The following CRHR2 variants were observed in gnomAD, a reference collection of about 807,000 sequenced individuals.
The protein encoded by CRHR2 is corticotropin-releasing hormone receptor 2.
CRHR2 carries 53 observed loss-of-function variants against 57.9 expected under a neutral mutation model. The ratio of observed to expected loss-of-function variants is 0.92; its 90% confidence interval spans 0.73 to 1.15. The LOEUF (loss-of-function observed/expected upper bound fraction) is 1.15. Among genes scored for constraint, CRHR2 ranks in the 50% most tolerant of loss-of-function variants. The pLI, the probability that CRHR2 is intolerant of heterozygous loss-of-function variation, is 0.00. For missense variants in CRHR2, 532 were observed against 542.6 expected (o/e 0.98, Z 0.19); for synonymous variants, 213 against 220.9 (o/e 0.96, Z 0.32).
intron 2 of CRHR2, among the ~76,000 whole-genome samples, chr7:30,671,846 G>GATA (rs1784370386): frequency 1.6e-5 from 2 of 127,486 alleles, no homozygotes; most frequent in Non-Finnish European, 3.5e-5. Context: ...TGATGATAAT[G>GATA]ATGATGATGA....
At chr7:30,700,058 A>G (rs1046025746) in exon 1 of CRHR2, 6 of 1,369,192 alleles carry the variant, frequency 4.4e-6, no homozygotes, top group Admixed American at 7.2e-5. Flanking sequence ...GGGGTTAGGG[A>G]CTGGAGCCTG....
chr7:30,659,474 A>T (rs1165911875), intron 8 of CRHR2, among the ~76,000 whole-genome samples: 1 of 151,966 alleles, frequency 6.6e-6, no homozygotes, highest in Non-Finnish European at 1.5e-5. Context: ...AAAGGATCTC[A>T]TGGGGTTTCC....
rs755639651 is a variant in CRHR2, at chr7:30,662,167, A to G, written c.747T>C (p.Tyr249=). 1 of 1,613,838 alleles carries G rather than the reference A, an allele frequency of 6.2e-7. No individual in the cohort carries two copies. The highest frequency in any genetic ancestry group is 1.3e-5 in the African/African-American group (1 of 74,962). ...IVAWAIGKLY[Y]ENEQCWFGKE... ...GCCCATCCACTTACTGTTCATTCTC[A>G]TAGTAGAGCTTGCCGATGGCCCAGG... The change falls in exon 7 of 12, where the codon TAT becomes TAC. Residue 249 remains tyrosine (Y), a synonymous_variant. Coordinates refer to ENST00000471646, the MANE Select transcript of CRHR2 (RefSeq NM_001883.5).
At chr7:30,686,544 C>A (rs1320976645), upstream of CRHR2, 9 of 1,515,422 alleles carry the variant, frequency 5.9e-6, no homozygotes, top group Non-Finnish European at 7.0e-6. Context: ...TGCAGTGGCT[C>A]ACACCCATAA....
At chr7:30,687,248 G>T (rs1342132117), upstream of CRHR2, among the ~76,000 whole-genome samples, 2 of 151,948 alleles carry the variant, frequency 1.3e-5, no homozygotes, top group East Asian at 1.9e-4. Context: ...AAGCTCGAGG[G>T]GCTCCCTAGC....
At chr7:30,654,850 G>A in intron 11 of CRHR2, 189 bp downstream of exon 11, 1 of 1,546,138 alleles carries the variant, frequency 6.5e-7, no homozygotes, top group Non-Finnish European at 8.7e-7. Context: ...TTTCGGGGCT[G>A]CATAGTTGAC....
rs775532993 is a variant in CRHR2 at position 30,653,644 on chromosome 7, C to T, written c.1096-44G>A. On this transcript the variant is annotated intron_variant, in intron 11 of 11. Transcript: ENST00000471646. The surrounding 1 kb of genome is among the most constrained non-coding windows in gnomAD (Gnocchi z 5.0). ...CTCAGCTGGCTCCCAGGGACCAACC[C>T]TGGGCTTCTGGGACCATCCCCTCCT... The T allele has an allele frequency of 3.9e-6, 6 of 1,558,194 alleles. No individual in the cohort carries two copies. The highest frequency in any genetic ancestry group is 3.5e-6 in the Non-Finnish European group (4 of 1,158,758).
chr7:30,675,632 A>G (rs1784494160), intron 2 of CRHR2, among the ~76,000 whole-genome samples: 1 of 151,736 alleles, frequency 6.6e-6, no homozygotes, highest in Non-Finnish European at 1.5e-5. Context: ...TCCATCTGAC[A>G]CATCATTAGC....
At chr7:30,699,369 C>T (rs1785121612) in intron 1 of CRHR2, among the ~76,000 whole-genome samples, 1 of 152,144 alleles carries the variant, frequency 6.6e-6, no homozygotes, top group East Asian at 1.9e-4. Flanking sequence ...CCACTCTGTC[C>T]CCATCGCTCA....
chr7:30,694,492 C>G (rs977816091), intron 1 of CRHR2, among the ~76,000 whole-genome samples: 8 of 152,346 alleles, frequency 5.3e-5, no homozygotes, highest in African/African-American at 1.9e-4. Context: ...GTCTAGTGTT[C>G]CCTCCAGGGC....
In CRHR2 at chr7:30,665,645, CAG is replaced by C; in HGVS notation, c.316-8_316-7del. The C allele has an allele frequency of 6.4e-7, 1 of 1,554,250 alleles. No individual in the cohort carries two copies. Among genetic ancestry groups the C allele is most frequent in the South Asian group, 1.2e-5 (1 of 84,228 alleles). ...TGCAGGTCATACTTCCTCTGCTGGA[CAG>C]ACAGACATGGGCAGGGCAGATGGAG... On this transcript the variant is annotated splice_polypyrimidine_tract_variant and splice_region_variant and intron_variant, in intron 3 of 11. Coordinates refer to ENST00000471646, the MANE Select transcript of CRHR2 (RefSeq NM_001883.5). The surrounding 1 kb of genome is among the most constrained non-coding windows in gnomAD (Gnocchi z 4.5).
chr7:30,657,766 G>GTCCA (rs372801059), intron 8 of CRHR2, among the ~76,000 whole-genome samples: 25 of 151,718 alleles, frequency 1.6e-4, no homozygotes, highest in East Asian at 1.4e-3. Context: ...TTATCCATCC[G>GTCCA]TCCATCCATC....
At position 30,656,976 on chromosome 7, in the gene CRHR2, T is replaced by A. The variant is rs576071268; in HGVS notation, c.832-964A>T. Among the ~76,000 whole-genome samples the A allele has an allele frequency of 4.1e-4, 63 of 152,096 alleles. 1 individual carries two copies. Among genetic ancestry groups the A allele is most frequent in the Non-Finnish European group, 8.7e-4 (59 of 68,014 alleles). On this transcript the variant is annotated intron_variant, in intron 8 of 11. Transcript: ENST00000471646. This position sits in a 1 kb window ranked among gnomAD's most constrained non-coding sequence, Gnocchi z 4.4. ...AGGCAGGCAGGCAGGCAAGGGAGTG[T>A]GTGTCGGCCTGACACAGTGGGGCTG...
intron 8 of CRHR2, among the ~76,000 whole-genome samples, chr7:30,660,240 G>A (rs1017486966): frequency 1.3e-5 from 2 of 152,206 alleles, no homozygotes; most frequent in Non-Finnish European, 2.9e-5. Context: ...CTCTTCTCTT[G>A]TCACCAGCTG....
At chr7:30,660,732 C>A in intron 7 of CRHR2, 87 bp from the exon 8 acceptor site, 1 of 1,319,904 alleles carries the variant, frequency 7.6e-7, no homozygotes. Context: ...TCCAGCTTTA[C>A]CCTTCCTGAG....
rs1213873655 is a variant in CRHR2, at chr7:30,660,776, C to G, written c.759-131G>C. On this transcript the variant is annotated intron_variant, in intron 7 of 11. Transcript: ENST00000471646. ...TCCAGGACTGCCCCTTCCCAGAAAGCCTTGGTGGAAATACCAGCTCCACTG... is the reference window on the plus strand; with the variant it reads ...TCCAGGACTGCCCCTTCCCAGAAAGGCTTGGTGGAAATACCAGCTCCACTG... 16 of 863,310 alleles carry G rather than the reference C, an allele frequency of 1.9e-5. No individual in the cohort carries two copies. In the South Asian group the frequency reaches 2.3e-4, roughly 12 times the overall value. The allele number at this position is 863,310 out of a possible 1,614,324, so 53.5% of individuals were successfully genotyped here. A position where few individuals can be genotyped will look rare whatever the true frequency, so the allele number is the denominator to read the frequency against.
chr7:30,684,198 A>G (rs1784808776), upstream of CRHR2, among the ~76,000 whole-genome samples: 1 of 152,210 alleles, frequency 6.6e-6, no homozygotes, highest in Non-Finnish European at 1.5e-5. Flanking sequence ...GGACCTAGGC[A>G]GAGTCCTACC....
chr7:30,692,139 T>C (rs1463538098), intron 1 of CRHR2, among the ~76,000 whole-genome samples: 1 of 152,190 alleles, frequency 6.6e-6, no homozygotes, highest in Non-Finnish European at 1.5e-5. Context: ...TTCAACAAAT[T>C]ACTGTAGGTC....
In CRHR2 at chr7:30,653,365, C is replaced by T. The variant is rs1457895962; in HGVS notation, c.*95G>A. 1.3e-6 allele frequency: 2 copies of T among 1,507,748 alleles called. No individual in the cohort carries two copies. The highest frequency in any genetic ancestry group is 2.8e-5 in the African/African-American group (2 of 72,314). 93.4% of individuals were successfully genotyped at this position (1,507,748 alleles called of 1,614,324 possible). A position where few individuals can be genotyped will look rare whatever the true frequency, so the allele number is the denominator to read the frequency against. On this transcript the variant is annotated 3_prime_UTR_variant, in exon 12 of 12. Coordinates refer to ENST00000471646, the MANE Select transcript of CRHR2 (RefSeq NM_001883.5). This position sits in a 1 kb window ranked among gnomAD's most constrained non-coding sequence, Gnocchi z 5.0. Reference sequence around the variant, plus strand: ...GCTGGAGAGCTGGTCTCTCCCCTCCCATCTCCTGCCCCACGAGAGCCTGCC... The same window carrying T: ...GCTGGAGAGCTGGTCTCTCCCCTCCTATCTCCTGCCCCACGAGAGCCTGCC...
Sources: gnomAD v4.1 joint callset for allele counts (sites outside exome capture counted in the v4.1 genomes callset) on GRCh38, gnomAD v4.1.1 for gene constraint, Gnocchi (gnomAD v3.1) non-coding constraint, MANE v1.5 for transcripts, NCBI Gene and HGNC (gene_info 2026-07-23, HGNC 2026-07-21) for gene names.